The following CTNNA3 variants were observed in gnomAD, a reference collection of about 807,000 sequenced individuals.
The protein encoded by CTNNA3 is catenin alpha-3.
Under a neutral mutation model 95.7 loss-of-function variants are expected in CTNNA3, and 76 were observed. The ratio of observed to expected loss-of-function variants is 0.79; its 90% CI spans 0.66 to 0.96. The LOEUF is 0.96. Among genes scored for constraint, CTNNA3 ranks in the 40% least tolerant of loss-of-function variants. The probability of loss-of-function intolerance (pLI) is 0.00; values close to 1 mark genes in which losing one functional copy is unlikely to be tolerated. For synonymous variants in CTNNA3, 431 were observed against 374.4 expected (o/e 1.15, Z -1.74); for missense variants, 1,191 against 1,089.8 (o/e 1.09, Z -1.31).
At chr10:66,978,959 C>G (rs1481437575) in intron 7 of CTNNA3, among the ~76,000 whole-genome samples, 2 of 128,378 alleles carry the variant, frequency 1.6e-5, no homozygotes, top group East Asian at 2.7e-4. Flanking sequence ...ATACTTATTT[C>G]CTTTTTTTTT....
At chr10:66,512,101 T>C (rs12258032) in intron 11 of CTNNA3, among the ~76,000 whole-genome samples, 40,975 of 151,972 alleles carry the variant, frequency 0.27, 5,926 homozygotes, top group Middle Eastern at 0.39. Flanking sequence ...TCTTGCTGAA[T>C]TGATTTTTTA....
intron 13 of CTNNA3, among the ~76,000 whole-genome samples, chr10:66,222,680 G>T (rs1409416591): frequency 6.7e-6 from 1 of 149,948 alleles, no homozygotes; most frequent in Non-Finnish European, 1.5e-5. Flanking sequence ...AGGGATGGAG[G>T]AAGGAAGGGA....
chr10:66,513,783 G>A (rs1389692640), intron 11 of CTNNA3, among the ~76,000 whole-genome samples: 2 of 152,174 alleles, frequency 1.3e-5, no homozygotes, highest in Non-Finnish European at 2.9e-5. Context: ...TGGCTCTCAG[G>A]CTCTTGGAAG....
At chr10:67,497,826 G>T (rs930165014) in intron 5 of CTNNA3, among the ~76,000 whole-genome samples, 2 of 150,998 alleles carry the variant, frequency 1.3e-5, no homozygotes, top group African/African-American at 4.9e-5. Flanking sequence ...ATAGATTCTG[G>T]ATGTTGGCCC....
At chr10:66,445,242 T>G (rs1330361328) in intron 11 of CTNNA3, among the ~76,000 whole-genome samples, 1 of 151,936 alleles carries the variant, frequency 6.6e-6, no homozygotes, top group East Asian at 1.9e-4. Flanking sequence ...AACACCCCAC[T>G]GTCAACATTA....
chr10:66,645,592 A>T (rs1341963609), intron 9 of CTNNA3, among the ~76,000 whole-genome samples: 1 of 152,090 alleles, frequency 6.6e-6, no homozygotes, highest in African/African-American at 2.4e-5. Flanking sequence ...ACAGACAACT[A>T]CCAGTCTGTG....
intron 7 of CTNNA3, among the ~76,000 whole-genome samples, chr10:66,983,631 G>A (rs1390288791): frequency 1.3e-5 from 2 of 152,102 alleles, no homozygotes; most frequent in African/African-American, 4.8e-5. Context: ...AGATTATTCT[G>A]CCACTCAACC....
At chr10:65,951,578 T>G (rs2077613349) in intron 17 of CTNNA3, among the ~76,000 whole-genome samples, 1 of 152,158 alleles carries the variant, frequency 6.6e-6, no homozygotes, top group Non-Finnish European at 1.5e-5. Flanking sequence ...TAGCTCTTGA[T>G]GTATGTAGCA....
At chr10:66,517,010 C>A (rs1840884156) in intron 11 of CTNNA3, among the ~76,000 whole-genome samples, 1 of 152,152 alleles carries the variant, frequency 6.6e-6, no homozygotes, top group African/African-American at 2.4e-5. Context: ...ATCACAAGGT[C>A]AGGAGTTCGA....
chr10:67,652,174 A>G (rs935725041), intron 1 of CTNNA3, among the ~76,000 whole-genome samples: 3 of 152,366 alleles, frequency 2.0e-5, no homozygotes, highest in Non-Finnish European at 2.9e-5. Context: ...TTATAAGGAC[A>G]CTAATCCTAT....
At position 66,901,726 on chromosome 10, in the gene CTNNA3, T is replaced by A. The variant is rs1589397398; in HGVS notation, c.1048-126202A>T. 1.1e-4 allele frequency among the ~76,000 whole-genome samples: 16 copies of A among 152,210 alleles called. 1 individual carries two copies. In the South Asian group the frequency reaches 3.3e-3, roughly 32 times the overall value. On this transcript the variant is annotated intron_variant, in intron 7 of 17. Transcript: ENST00000433211. ...AGCCAAAAAAAAGCAGGGGTTGCAA[T>A]CCTAGTCTCTGATAAAACAGACTTT...
intron 7 of CTNNA3, among the ~76,000 whole-genome samples, chr10:66,827,472 T>C (rs1589300114): frequency 6.6e-6 from 1 of 152,230 alleles, no homozygotes; most frequent in Non-Finnish European, 1.5e-5. Flanking sequence ...AGCTTCCCTT[T>C]ATACCCAGCA....
chr10:67,116,385 T>G (rs1859191013), intron 7 of CTNNA3, among the ~76,000 whole-genome samples: 1 of 151,966 alleles, frequency 6.6e-6, no homozygotes, highest in Non-Finnish European at 1.5e-5. Context: ...TAAAGTACGA[T>G]AGATATATAA....
intron 5 of CTNNA3, among the ~76,000 whole-genome samples, chr10:67,302,018 A>C (rs144026954): frequency 0.064 from 1,499 of 23,298 alleles, 356 homozygotes; most frequent in African/African-American, 0.31. Context: ...AAAGAAAGAA[A>C]GAAAGAAAGA....
intron 12 of CTNNA3, among the ~76,000 whole-genome samples, chr10:66,331,679 G>C (rs1332105698): frequency 6.6e-6 from 1 of 152,014 alleles, no homozygotes; most frequent in Non-Finnish European, 1.5e-5. Context: ...TTTGGTACCA[G>C]TACCATGCTG....
chr10:66,439,267 T>A (rs1309143324), intron 11 of CTNNA3, among the ~76,000 whole-genome samples: 2 of 152,212 alleles, frequency 1.3e-5, no homozygotes, highest in African/African-American at 4.8e-5. Context: ...ACTATTTGTA[T>A]TTGTATAATG....
intron 7 of CTNNA3, among the ~76,000 whole-genome samples, chr10:66,935,726 T>C (rs964812200): frequency 3.3e-5 from 5 of 152,030 alleles, no homozygotes; most frequent in African/African-American, 1.2e-4. Context: ...CAGGAATTTG[T>C]ATATATTATC....
rs141724475 is a variant in CTNNA3 at position 66,379,773 on chromosome 10, T to C, written c.1532-421A>G. On this transcript the variant is annotated intron_variant, in intron 11 of 17. Coordinates refer to ENST00000433211, the MANE Select transcript of CTNNA3 (RefSeq NM_013266.4). ...ATACATAAGTCTTTTAAAAGATGGA[T>C]TTAAACAAATGAATTCCAGAGAAAG... 3.1e-3 allele frequency among the ~76,000 whole-genome samples: 468 copies of C among 152,252 alleles called. 3 individuals carry two copies. Among genetic ancestry groups the C allele is most frequent in the African/African-American group, 0.011 (441 of 41,556 alleles).
intron 9 of CTNNA3, among the ~76,000 whole-genome samples, chr10:66,744,758 G>A (rs979346637): frequency 4.6e-5 from 7 of 152,044 alleles, no homozygotes; most frequent in African/African-American, 1.7e-4. Flanking sequence ...TTACCAAATG[G>A]CATAGAGAAA....
Sources: allele counts gnomAD v4.1 joint callset (sites outside exome capture counted in the v4.1 genomes callset), GRCh38; gene constraint gnomAD v4.1.1; transcripts MANE v1.5; gene names NCBI Gene and HGNC (gene_info 2026-07-23, HGNC 2026-07-21).